The following MTR variants were observed in gnomAD, a reference collection of about 807,000 sequenced individuals.
MTR encodes the protein 5-methyltetrahydrofolate-homocysteine methyltransferase.
MTR carries 84 observed loss-of-function variants against 154.8 expected under a neutral mutation model. The ratio of observed to expected loss-of-function variants is 0.54; its 90% CI spans 0.45 to 0.65. MTR has a LOEUF of 0.65. Ranked by LOEUF, MTR falls within the 30% of genes least tolerant of loss-of-function variation. MTR has a pLI of 0.00. For missense variants in MTR, 1,275 were observed against 1,570.2 expected (o/e 0.81, Z 3.18); for synonymous variants, 554 against 553.9 (o/e 1.00, Z 0.00).
At chr1:236,823,699 C>T (rs1662107675) in intron 8 of MTR, among the ~76,000 whole-genome samples, 1 of 149,296 alleles carries the variant, frequency 6.7e-6, no homozygotes, top group South Asian at 2.2e-4. Flanking sequence ...GGTCTGGTCT[C>T]GTGGACTTCA....
Position 236,806,210 on chromosome 1 carries a change from G to A in MTR, c.316G>A (p.Ala106Thr). Residue 106 changes from alanine to threonine, a missense_variant, in exon 3 of 33, where the codon GCT becomes ACT. Physicochemically the swap from Ala to Thr is moderately conservative, Grantham distance 58. Coordinates refer to ENST00000366577, the MANE Select transcript of MTR (RefSeq NM_000254.3). ...TTTTAGCAGCACTAGTATTGCCCAA[G>A]CTGACTATGGCCTTGAACACTTGGT... ...NTFSSTSIAQ[A>T]DYGLEHLAYR... 6.2e-7 allele frequency: 1 copy of A among 1,614,034 alleles called. No homozygotes were observed. Among genetic ancestry groups the A allele is most frequent in the Middle Eastern group, 1.6e-4 (1 of 6,062 alleles).
At chr1:236,799,129 T>C (rs537476642) in intron 1 of MTR, among the ~76,000 whole-genome samples, 43 of 151,888 alleles carry the variant, frequency 2.8e-4, no homozygotes, top group African/African-American at 3.9e-4. Context: ...TTTTTTTTTT[T>C]CCCCCTTTTT....
At chr1:236,817,995 T>C (rs1337494683) in intron 8 of MTR, among the ~76,000 whole-genome samples, 1 of 152,136 alleles carries the variant, frequency 6.6e-6, no homozygotes, top group East Asian at 1.9e-4. Context: ...AAACTGAGGG[T>C]AGGAAATGTA....
Position 236,826,835 on chromosome 1 carries a change from G to T in MTR, c.934G>T (p.Ala312Ser). ...SMMAKHLKDFAMDGLVNIVGG... is the reference protein window; with the variant it reads ...SMMAKHLKDFSMDGLVNIVGG... ...TGTCTCTTCCTAAATGCAGGATTTT[G>T]CTATGGATGGCTTGGTCAATATAGT... Residue 312 changes from alanine to serine, a missense_variant, in exon 11 of 33, where the codon GCT (alanine) becomes TCT (serine). Transcript: ENST00000366577. The T allele has an allele frequency of 1.2e-6, 2 of 1,614,058 alleles. No homozygotes were observed. Among genetic ancestry groups the T allele is most frequent in the Non-Finnish European group, 1.7e-6 (2 of 1,179,960 alleles).
In MTR at chr1:236,901,943, A is replaced by T. The variant is rs1251915292; in HGVS notation, c.*4299A>T. 1 of 152,216 alleles carries T rather than the reference A, an allele frequency of 6.6e-6. No homozygotes were observed. The highest frequency in any genetic ancestry group is 1.5e-5 in the Non-Finnish European group (1 of 68,100). The allele number at this position is 152,216 out of a possible 1,614,324, so 9.4% of individuals were successfully genotyped here. On this transcript the variant is annotated 3_prime_UTR_variant, in exon 33 of 33. Transcript: ENST00000366577. The stretch of plus-strand genomic sequence containing the variant: ...AAGCCCTGGCGATTTTACGCGCTAG[A>T]TAGGTCTTAAGTTCATCTCTACGCC...
chr1:236,883,505 G>A (rs914086471), intron 25 of MTR, among the ~76,000 whole-genome samples: 1 of 152,202 alleles, frequency 6.6e-6, no homozygotes, highest in Non-Finnish European at 1.5e-5. Flanking sequence ...CTTTCTCAGA[G>A]TGTATAATCT....
intron 11 of MTR, among the ~76,000 whole-genome samples, chr1:236,828,361 ATTTCTT>A (rs1662419829): frequency 6.6e-6 from 1 of 151,994 alleles, no homozygotes. Context: ...ATCAGCAACT[ATTTCTT>A]TTTGTTTTGT....
In MTR at chr1:236,852,645, A is replaced by G; in HGVS notation, c.1812+8A>G. On this transcript the variant is annotated splice_region_variant and intron_variant, in intron 17 of 32. Transcript: ENST00000366577. ...CTTTACCATGCAATCAAGGTATGGT[A>G]GAAGAACTCTTAGCCCTGCGGAAAC... 6.2e-7 allele frequency: 1 copy of G among 1,610,110 alleles called. No individual in the cohort carries two copies. The highest frequency in any genetic ancestry group is 8.5e-7 in the Non-Finnish European group (1 of 1,176,354).
At chr1:236,895,174 A>T in intron 30 of MTR, 184 bp from the exon 31 acceptor site, 1 of 708,946 alleles carries the variant, frequency 1.4e-6, no homozygotes, top group Non-Finnish European at 2.5e-6. Context: ...TGAGCTGCAG[A>T]GCAGCAGCTG....
At chr1:236,870,707 A>G (rs1171447642) in intron 22 of MTR, among the ~76,000 whole-genome samples, 6 of 152,164 alleles carry the variant, frequency 3.9e-5, no homozygotes, top group African/African-American at 9.7e-5. Context: ...AGACTTACAT[A>G]TCCAGTGGAC....
chr1:236,829,940 G>A (rs1662514614), intron 12 of MTR, among the ~76,000 whole-genome samples: 1 of 152,190 alleles, frequency 6.6e-6, no homozygotes, highest in Non-Finnish European at 1.5e-5. Flanking sequence ...GAAAAAGTAT[G>A]ATTTTTAGAG....
chr1:236,903,668 T>C lies in MTR; in HGVS notation c.*6024T>C, dbSNP rs903105471. The C allele has an allele frequency of 1.3e-5, 2 of 152,204 alleles. No individual in the cohort carries two copies. The highest frequency in any genetic ancestry group is 2.9e-5 in the Non-Finnish European group (2 of 68,020). 9.4% of individuals were successfully genotyped at this position (152,204 alleles called of 1,614,324 possible). A position where few individuals can be genotyped will look rare whatever the true frequency, so the allele number is the denominator to read the frequency against. On this transcript the variant is annotated 3_prime_UTR_variant, in exon 33 of 33. Transcript: ENST00000366577. Reference sequence around the variant, plus strand: ...AATGCTGTTGATCACAGACAATCTCTGCCATCCATAAGGTAAATGTAATAC... The same window carrying C: ...AATGCTGTTGATCACAGACAATCTCCGCCATCCATAAGGTAAATGTAATAC...
intron 18 of MTR, among the ~76,000 whole-genome samples, chr1:236,857,319 C>T (rs917003159): frequency 3.3e-5 from 5 of 152,204 alleles, no homozygotes; most frequent in Non-Finnish European, 5.9e-5. Flanking sequence ...TTTGTCCTTT[C>T]CTTTCCTCCT....
chr1:236,872,735 A>G (rs182181395), intron 22 of MTR, among the ~76,000 whole-genome samples: 11 of 152,304 alleles, frequency 7.2e-5, no homozygotes, highest in Admixed American at 1.3e-4. Flanking sequence ...GCTCAAGCCT[A>G]TAATCCTAGC....
In MTR at chr1:236,891,115, A is replaced by C. The variant is rs1371183838; in HGVS notation, c.3008-18A>C. The C allele has an allele frequency of 6.2e-7, 1 of 1,613,960 alleles. No homozygotes were observed. Among genetic ancestry groups the C allele is most frequent in the South Asian group, 1.1e-5 (1 of 91,076 alleles). The stretch of plus-strand genomic sequence containing the variant: ...TTTTGGCATCTTTAAGTGAATTCTA[A>C]TTCTGTTTTTCTAATAGGTGGAGAG... On this transcript the variant is annotated intron_variant, in intron 28 of 32. Transcript: ENST00000366577.
intron 5 of MTR, chr1:236,811,811 A>G (rs1173942921): frequency 7.4e-6 from 3 of 405,742 alleles, no homozygotes; most frequent in Admixed American, 2.9e-5. Flanking sequence ...GAATTTCATT[A>G]TAATGTTGAT....
In MTR at chr1:236,838,581, T is replaced by A. The variant is rs1310101554; in HGVS notation, c.1497T>A (p.Ala499=). ...KKYGAAMVVM[A]FDEEGQATET... is the part of the protein sequence containing the mutation. ...ATGGAGCTGCTATGGTGGTCATGGC[T>A]TTTGATGAAGAAGGACAGGTGAGTG... Residue 499 remains alanine, a synonymous_variant, in exon 15 of 33, where the codon GCT becomes GCA. Coordinates refer to ENST00000366577, the MANE Select transcript of MTR (RefSeq NM_000254.3). 1.2e-5 allele frequency: 19 copies of A among 1,614,126 alleles called. No homozygotes were observed. The highest frequency in any genetic ancestry group is 1.3e-5 in the Non-Finnish European group (15 of 1,179,998).
intron 5 of MTR, chr1:236,811,637 T>C (rs1572195084): frequency 2.2e-6 from 1 of 456,276 alleles, no homozygotes; most frequent in East Asian, 7.0e-5. Flanking sequence ...ATGCTCTCTT[T>C]GGTCTAGACC....
chr1:236,831,411 C>T (rs552735648), intron 12 of MTR, among the ~76,000 whole-genome samples: 20 of 152,300 alleles, frequency 1.3e-4, no homozygotes, highest in East Asian at 3.9e-4. Context: ...TAGTGATAGA[C>T]CTGCCACAGT....
Sources: gnomAD v4.1 joint callset for allele counts (sites outside exome capture counted in the v4.1 genomes callset) on GRCh38, gnomAD v4.1.1 for gene constraint, MANE v1.5 for transcripts, NCBI Gene and HGNC (gene_info 2026-07-23, HGNC 2026-07-21) for gene names.